Variants in PACRGL observed in about 807,000 individuals in gnomAD.
PACRGL encodes the protein parkin coregulated like, also known as PACRG-like protein.
In PACRGL, 38 loss-of-function variants were observed where a neutral mutation model predicts 34.5. That is an observed-to-expected ratio of 1.10 (90% CI 0.85 to 1.44). PACRGL has a LOEUF of 1.44. Among genes scored for constraint, PACRGL ranks in the 40% most tolerant of loss-of-function variants. The pLI is 0.00. For synonymous variants in PACRGL, 128 were observed against 100.1 expected (o/e 1.28, Z -1.66); for missense variants, 305 against 281.4 (o/e 1.08, Z -0.60).
intron 5 of PACRGL, 130 bp from the exon 6 acceptor site, chr4:20,712,658 A>G (rs952320094): frequency 1.1e-6 from 1 of 881,014 alleles, no homozygotes; most frequent in Non-Finnish European, 1.6e-6. Flanking sequence ...TAACTACTGA[A>G]ATTATAATCA....
At chr4:20,739,215 T>C (rs548002712) in intron 8 of PACRGL, among the ~76,000 whole-genome samples, 1 of 152,336 alleles carries the variant, frequency 6.6e-6, no homozygotes, top group Admixed American at 6.5e-5. Flanking sequence ...CATCCCTGTC[T>C]GACAGCTTTG....
chr4:20,704,159 G>T (rs1271389947), intron 1 of PACRGL, among the ~76,000 whole-genome samples: 1 of 152,030 alleles, frequency 6.6e-6, no homozygotes, highest in Non-Finnish European at 1.5e-5. Flanking sequence ...AATCTAGTCT[G>T]TGTTTTCTAA....
Position 20,713,552 on chromosome 4 carries a change from A to T in PACRGL, c.609+13A>T, listed in dbSNP as rs751129608. 6.4e-6 allele frequency: 10 copies of T among 1,568,902 alleles called. No homozygotes were observed. In the South Asian group the frequency reaches 1.1e-4, roughly 17 times the overall value. On this transcript the variant is annotated intron_variant, in intron 7 of 8. Transcript: ENST00000503585. ...TCTGCTTACAAGCGTAAGTACTGCA[A>T]AGATTAGATAATGATTGACTGTATG... is the stretch of plus-strand genomic sequence containing the variant.
chr4:20,735,788 G>A (rs12650007), downstream of PACRGL, among the ~76,000 whole-genome samples: 49,322 of 151,930 alleles, frequency 0.32, 8,518 homozygotes, highest in African/African-American at 0.43. Flanking sequence ...GCCCACCGCC[G>A]CCTCTCAAAG....
intron 8 of PACRGL, among the ~76,000 whole-genome samples, chr4:20,748,409 T>A (rs995308998): frequency 5.9e-5 from 9 of 151,878 alleles, no homozygotes; most frequent in African/African-American, 1.9e-4. Context: ...CTGAGCAGGC[T>A]TCCCTGCTAC....
chr4:20,712,929 C>A lies in PACRGL; in HGVS notation c.501+7C>A. ...TGTGCTAAAGGCAGCTCTGGTATGTCATTTATTTCATTGTACTTTATATTT... is the reference window on the plus strand; with the variant it reads ...TGTGCTAAAGGCAGCTCTGGTATGTAATTTATTTCATTGTACTTTATATTT... On this transcript the variant is annotated splice_region_variant and intron_variant, in intron 6 of 8. Coordinates refer to ENST00000503585, the MANE Select transcript of PACRGL (RefSeq NM_001258345.3). 2.0e-6 allele frequency: 3 copies of A among 1,531,990 alleles called. No individual in the cohort carries two copies. The highest frequency in any genetic ancestry group is 2.6e-6 in the Non-Finnish European group (3 of 1,135,450). The allele number at this position is 1,531,990 out of a possible 1,614,324, so 94.9% of individuals were successfully genotyped here.
At position 20,729,427 on chromosome 4, in the gene PACRGL, T is replaced by TTAAAATAAG. The variant is rs1204958998; in HGVS notation, c.*2088_*2096dup. 1 of 152,146 alleles carries TTAAAATAAG rather than the reference T, an allele frequency of 6.6e-6. No individual in the cohort carries two copies. Among genetic ancestry groups the TTAAAATAAG allele is most frequent in the Non-Finnish European group, 1.5e-5 (1 of 67,976 alleles). The allele number at this position is 152,146 out of a possible 1,614,324, so 9.4% of individuals were successfully genotyped here. A position where few individuals can be genotyped will look rare whatever the true frequency, so the allele number is the denominator to read the frequency against. Reference sequence around the variant, plus strand: ...CATATTATGGAAAATTAAATGCTTATTAAAATAAGTTTTATTAGGCATATG... The same window carrying TTAAAATAAG: ...CATATTATGGAAAATTAAATGCTTATTAAAATAAGTAAAATAAGTTTTATTAGGCATATG... On this transcript the variant is annotated 3_prime_UTR_variant, in exon 9 of 9. Coordinates refer to ENST00000503585, the MANE Select transcript of PACRGL (RefSeq NM_001258345.3).
chr4:20,759,081 C>A, the PACRGL span, among the ~76,000 whole-genome samples: 1 of 151,790 alleles, frequency 6.6e-6, no homozygotes, highest in Non-Finnish European at 1.5e-5. Context: ...GAAAAAAAAA[C>A]GTAGATGTAA....
At chr4:20,757,723 T>G (rs574237858), downstream of PACRGL, among the ~76,000 whole-genome samples, 2 of 152,250 alleles carry the variant, frequency 1.3e-5, no homozygotes, top group African/African-American at 2.4e-5. Context: ...CTATACACTT[T>G]GGAAATGGAT....
chr4:20,712,779 C>G lies in PACRGL; in HGVS notation c.367-9C>G. 1 of 1,472,908 alleles carries G rather than the reference C, an allele frequency of 6.8e-7. No individual in the cohort carries two copies. Among genetic ancestry groups the G allele is most frequent in the Non-Finnish European group, 9.1e-7 (1 of 1,099,524 alleles). 91.2% of individuals were successfully genotyped at this position (1,472,908 alleles called of 1,614,324 possible). On this transcript the variant is annotated splice_polypyrimidine_tract_variant and intron_variant, in intron 5 of 8. Transcript: ENST00000503585. ...GTAGTAAATCATGTTTCCTCTTGGT[C>G]TTTGTCAGGGTCTGAGAGAGACTAA...
At chr4:20,751,642 G>C (rs971451627) in intron 8 of PACRGL, among the ~76,000 whole-genome samples, 10 of 152,068 alleles carry the variant, frequency 6.6e-5, no homozygotes, top group Non-Finnish European at 4.4e-5. Context: ...TTAGCAAGCA[G>C]TACTCACCAT....
chr4:20,724,692 C>T (rs1744869244), intron 7 of PACRGL, 116 bp from the exon 8 acceptor site: 4 of 458,336 alleles, frequency 8.7e-6, no homozygotes, highest in South Asian at 7.3e-5. Flanking sequence ...TGAGATGCTT[C>T]CTAAAAAAAG....
At chr4:20,711,535 G>A (rs1301772588) in intron 5 of PACRGL, among the ~76,000 whole-genome samples, 1 of 152,164 alleles carries the variant, frequency 6.6e-6, no homozygotes, top group African/African-American at 2.4e-5. Context: ...CAGCTTCAAG[G>A]AAAGGAAATG....
chr4:20,763,867 C>T, the PACRGL span, among the ~76,000 whole-genome samples: 1 of 152,122 alleles, frequency 6.6e-6, no homozygotes, highest in African/African-American at 2.4e-5. Flanking sequence ...GATGTTGTAA[C>T]ATGAAGATTA....
At chr4:20,754,958 T>A, downstream of PACRGL, among the ~76,000 whole-genome samples, 1 of 152,160 alleles carries the variant, frequency 6.6e-6, no homozygotes, top group South Asian at 2.1e-4. Flanking sequence ...TAAATATAAT[T>A]TTTCTTTAAA....
downstream of PACRGL, among the ~76,000 whole-genome samples, chr4:20,757,678 ACTT>A (rs1238854762): frequency 6.6e-6 from 1 of 152,162 alleles, no homozygotes; most frequent in East Asian, 1.9e-4. Context: ...TCAGAAGTGA[ACTT>A]CTCCTGAGAG....
chr4:20,757,576 AT>A (rs955209556), downstream of PACRGL, among the ~76,000 whole-genome samples: 6 of 152,216 alleles, frequency 3.9e-5, no homozygotes, highest in Admixed American at 3.9e-4. Context: ...GCAAATGCCC[AT>A]CTTCAGTTCT....
chr4:20,717,348 G>T lies in PACRGL; in HGVS notation c.609+3809G>T, dbSNP rs190755102. On this transcript the variant is annotated intron_variant, in intron 7 of 8. Coordinates refer to ENST00000503585, the MANE Select transcript of PACRGL (RefSeq NM_001258345.3). Reference sequence around the variant, plus strand: ...AGCTCTTTAGTTTAATTAGACACCAGTTGTCAATTTTGGCTTTTGTTGCCA... The same window carrying T: ...AGCTCTTTAGTTTAATTAGACACCATTTGTCAATTTTGGCTTTTGTTGCCA... 2.4e-3 allele frequency among the ~76,000 whole-genome samples: 359 copies of T among 152,230 alleles called. 9 individuals carry two copies. The South Asian group carries it at 0.047, about 20-fold the overall frequency.
chr4:20,736,274 A>G (rs1749606809), downstream of PACRGL, among the ~76,000 whole-genome samples: 2 of 152,206 alleles, frequency 1.3e-5, no homozygotes, highest in South Asian at 2.1e-4. Flanking sequence ...CAGGGAAACA[A>G]TTTGAGTTTC....
Sources: allele counts gnomAD v4.1 joint callset (sites outside exome capture counted in the v4.1 genomes callset), GRCh38; gene constraint gnomAD v4.1.1; transcripts MANE v1.5; gene names NCBI Gene and HGNC (gene_info 2026-07-23, HGNC 2026-07-21).